Variants in MTUS2 observed in about 807,000 individuals in gnomAD.
MTUS2 encodes microtubule-associated tumor suppressor candidate 2.
In MTUS2, 40 loss-of-function variants were observed where a neutral mutation model predicts 114.1. That is an observed-to-expected ratio of 0.35 (90% CI 0.27 to 0.46). The LOEUF (loss-of-function observed/expected upper bound fraction) is 0.46, where lower values mean the gene tolerates loss of function less well. Ranked by LOEUF, MTUS2 falls within the 20% of genes least tolerant of loss-of-function variation. MTUS2 has a pLI of 1.00. For synonymous variants in MTUS2, 688 were observed against 672.0 expected (o/e 1.02, Z -0.37); for missense variants, 1,679 against 1,705.4 (o/e 0.98, Z 0.27).
intron 4 of MTUS2, among the ~76,000 whole-genome samples, chr13:29,044,596 G>A (rs1325818009): frequency 6.6e-6 from 1 of 152,120 alleles, no homozygotes; most frequent in East Asian, 1.9e-4. Flanking sequence ...TACAGCTCCT[G>A]TTCAAAGTGT....
intron 2 of MTUS2, among the ~76,000 whole-genome samples, chr13:28,886,509 G>A (rs891569834): frequency 6.6e-6 from 1 of 152,192 alleles, no homozygotes; most frequent in Admixed American, 6.5e-5. Context: ...GAGAAGGACT[G>A]CAAGTTGTTT....
chr13:29,006,068 T>C (rs1885587842), intron 2 of MTUS2, among the ~76,000 whole-genome samples: 1 of 152,180 alleles, frequency 6.6e-6, no homozygotes, highest in Non-Finnish European at 1.5e-5. Flanking sequence ...AGACTAAATA[T>C]TTCTCTTGTA....
chr13:29,403,035 C>T (rs960351881), intron 8 of MTUS2, among the ~76,000 whole-genome samples: 2 of 152,142 alleles, frequency 1.3e-5, no homozygotes, highest in Admixed American at 1.3e-4. Context: ...GCGCCCAGCC[C>T]CAGTACTTAA....
intron 4 of MTUS2, among the ~76,000 whole-genome samples, chr13:29,098,760 TTGAC>T (rs1301377481): frequency 6.6e-6 from 1 of 152,242 alleles, no homozygotes; most frequent in Non-Finnish European, 1.5e-5. Context: ...GTTTTCATTC[TTGAC>T]TAAGTAGTAA....
chr13:28,943,440 G>C (rs1344998547), intron 2 of MTUS2, among the ~76,000 whole-genome samples: 2 of 152,176 alleles, frequency 1.3e-5, no homozygotes, highest in Admixed American at 6.5e-5. Flanking sequence ...AAACAGTTCA[G>C]TTTCTTAGTA....
chr13:29,123,706 CA>C (rs1891403089), intron 5 of MTUS2, among the ~76,000 whole-genome samples: 1 of 152,100 alleles, frequency 6.6e-6, no homozygotes, highest in South Asian at 2.1e-4. Flanking sequence ...AGAGTCGTCT[CA>C]AAACAAACAC....
intron 5 of MTUS2, among the ~76,000 whole-genome samples, chr13:29,180,313 G>A (rs1198763995): frequency 6.6e-6 from 1 of 152,130 alleles, no homozygotes; most frequent in African/African-American, 2.4e-5. Context: ...GCATAAATGG[G>A]TTATGAACAC....
chr13:29,096,040 CATTTT>C (rs1222049326), intron 4 of MTUS2, among the ~76,000 whole-genome samples: 2 of 151,864 alleles, frequency 1.3e-5, no homozygotes, highest in African/African-American at 4.8e-5. Flanking sequence ...TTGTGTGTCT[CATTTT>C]ATTTTTGTTG....
At chr13:28,910,816 A>G (rs1402677256) in intron 2 of MTUS2, among the ~76,000 whole-genome samples, 2 of 115,846 alleles carry the variant, frequency 1.7e-5, no homozygotes, top group East Asian at 3.1e-4. Flanking sequence ...TGTCTTTGCT[A>G]TTGTGAATAG....
At chr13:29,443,787 G>T (rs899386610) in intron 9 of MTUS2, among the ~76,000 whole-genome samples, 1 of 152,186 alleles carries the variant, frequency 6.6e-6, no homozygotes, top group Non-Finnish European at 1.5e-5. Flanking sequence ...GGGTAGTATG[G>T]CCAGTCCCTT....
At chr13:28,910,101 T>G (rs1173084273) in intron 2 of MTUS2, among the ~76,000 whole-genome samples, 3 of 152,184 alleles carry the variant, frequency 2.0e-5, no homozygotes, top group Non-Finnish European at 4.4e-5. Flanking sequence ...CTGTCTGTTG[T>G]GCTATCAAAT....
chr13:29,492,167 ATG>A (rs535822984), intron 11 of MTUS2, among the ~76,000 whole-genome samples: 16,305 of 101,484 alleles, frequency 0.16, 1,461 homozygotes, highest in African/African-American at 0.24. Context: ...TGTGGTGTGT[ATG>A]TGATGTGTGT....
chr13:29,488,230 A>T, intron 11 of MTUS2: 1 of 544,856 alleles, frequency 1.8e-6, no homozygotes, highest in East Asian at 3.2e-5. Flanking sequence ...AACCTTGATG[A>T]ATACTGGAAT....
At chr13:29,222,374 T>C (rs546929942) in intron 5 of MTUS2, among the ~76,000 whole-genome samples, 10 of 152,362 alleles carry the variant, frequency 6.6e-5, no homozygotes, top group South Asian at 2.1e-4. Flanking sequence ...TATTCTCTTA[T>C]CTGTTCTTGA....
At chr13:29,320,090 T>C (rs1262768815) in intron 6 of MTUS2, among the ~76,000 whole-genome samples, 6 of 152,108 alleles carry the variant, frequency 3.9e-5, no homozygotes, top group Admixed American at 2.6e-4. Flanking sequence ...AAGTTCAGGA[T>C]GTTGAGATGG....
At chr13:28,984,528 C>T (rs1220201251) in intron 2 of MTUS2, among the ~76,000 whole-genome samples, 1 of 152,158 alleles carries the variant, frequency 6.6e-6, no homozygotes, top group African/African-American at 2.4e-5. Context: ...CAGCTTGCAG[C>T]GCACTCTCTG....
chr13:29,151,796 G>A (rs1838060711), intron 5 of MTUS2, among the ~76,000 whole-genome samples: 2 of 152,070 alleles, frequency 1.3e-5, no homozygotes, highest in Admixed American at 1.3e-4. Context: ...ATGATCATAT[G>A]GTTTTTGTTT....
intron 5 of MTUS2, among the ~76,000 whole-genome samples, chr13:29,154,609 G>A (rs12870321): frequency 0.14 from 21,834 of 152,160 alleles, 1,859 homozygotes; most frequent in East Asian, 0.29. Context: ...CAAAGTGTTG[G>A]GACATTACTT....
intron 9 of MTUS2, among the ~76,000 whole-genome samples, chr13:29,468,601 C>G (rs1000278227): frequency 6.0e-5 from 9 of 149,938 alleles, no homozygotes; most frequent in Non-Finnish European, 1.3e-4. Flanking sequence ...CACACACACA[C>G]ACACACACAC....
Sources: gnomAD v4.1 joint callset for allele counts (sites outside exome capture counted in the v4.1 genomes callset) on GRCh38, gnomAD v4.1.1 for gene constraint, MANE v1.5 for transcripts, NCBI Gene and HGNC (gene_info 2026-07-23, HGNC 2026-07-21) for gene names.